Variants in SSBP2 observed in about 807,000 individuals in gnomAD.
The protein encoded by SSBP2 is single stranded DNA binding protein 2, also known as single-stranded DNA-binding protein 2.
A neutral mutation model predicts 61.8 loss-of-function variants in SSBP2; 17 were observed. The observed-to-expected ratio is 0.28, with a 90% CI of 0.19 to 0.41. SSBP2 has a LOEUF of 0.41. Among genes scored for constraint, SSBP2 ranks in the 10% least tolerant of loss-of-function variants. The probability of loss-of-function intolerance (pLI) is 1.00; values close to 1 mark genes in which losing one functional copy is unlikely to be tolerated. For missense variants in SSBP2, 310 were observed against 458.7 expected (o/e 0.68, Z 2.96); for synonymous variants, 139 against 141.3 (o/e 0.98, Z 0.12).
intron 16 of SSBP2, among the ~76,000 whole-genome samples, chr5:81,422,405 C>T (rs1168107851): frequency 2.6e-5 from 4 of 152,208 alleles, no homozygotes; most frequent in Non-Finnish European, 2.9e-5. Context: ...GTCATTAGGG[C>T]TCAAACCAAA....
chr5:81,670,041 G>A (rs1050777102), intron 1 of SSBP2, among the ~76,000 whole-genome samples: 4 of 152,098 alleles, frequency 2.6e-5, no homozygotes, highest in African/African-American at 9.7e-5. Flanking sequence ...CAGAATGCAG[G>A]ATTTTTAGGG....
At chr5:81,516,941 T>C (rs987385389) in intron 4 of SSBP2, among the ~76,000 whole-genome samples, 1 of 152,064 alleles carries the variant, frequency 6.6e-6, no homozygotes, top group Non-Finnish European at 1.5e-5. Flanking sequence ...AAGTTGTTGT[T>C]GGGCCTGAAC....
At chr5:81,664,812 C>T (rs910749210) in intron 1 of SSBP2, among the ~76,000 whole-genome samples, 1 of 152,166 alleles carries the variant, frequency 6.6e-6, no homozygotes, top group Admixed American at 6.5e-5. Context: ...TCCTCAAAAG[C>T]ATCTTTCCTC....
intron 2 of SSBP2, among the ~76,000 whole-genome samples, chr5:81,639,769 C>CA (rs927171567): frequency 4.0e-5 from 6 of 151,898 alleles, no homozygotes; most frequent in African/African-American, 1.5e-4. Context: ...TTACAGATTT[C>CA]AAAAAAATTC....
intron 1 of SSBP2, among the ~76,000 whole-genome samples, chr5:81,674,437 A>G (rs1751809182): frequency 1.3e-5 from 2 of 152,160 alleles, no homozygotes; most frequent in African/African-American, 4.8e-5. Context: ...ATTTATATCT[A>G]TGGGAAATAT....
chr5:81,605,247 TTACTC>T (rs1417327910), intron 4 of SSBP2, among the ~76,000 whole-genome samples: 1 of 152,124 alleles, frequency 6.6e-6, no homozygotes, highest in Non-Finnish European at 1.5e-5. Flanking sequence ...TTCTTATACT[TTACTC>T]AAGAAAAAAT....
At chr5:81,652,704 A>G (rs1749837852) in intron 1 of SSBP2, among the ~76,000 whole-genome samples, 1 of 152,164 alleles carries the variant, frequency 6.6e-6, no homozygotes, top group Non-Finnish European at 1.5e-5. Context: ...GTGAACAACT[A>G]ATTAAGTCTA....
intron 1 of SSBP2, among the ~76,000 whole-genome samples, chr5:81,671,195 G>A (rs1011545887): frequency 6.6e-6 from 1 of 152,116 alleles, no homozygotes; most frequent in Admixed American, 6.6e-5. Context: ...GATTTTAGAG[G>A]ATAGAAATGT....
intron 16 of SSBP2, among the ~76,000 whole-genome samples, chr5:81,426,756 C>A (rs1002126608): frequency 6.6e-6 from 1 of 152,178 alleles, no homozygotes; most frequent in Non-Finnish European, 1.5e-5. Flanking sequence ...TACCCCTCTT[C>A]CAACTGTTAA....
intron 3 of SSBP2, 38 bp downstream of exon 3, chr5:81,636,519 A>T: frequency 6.6e-7 from 1 of 1,508,792 alleles, no homozygotes; most frequent in Non-Finnish European, 9.1e-7. Context: ...ATTGAAATGC[A>T]TCATCAAGCC....
chr5:81,677,568 T>G (rs910424498), intron 1 of SSBP2, among the ~76,000 whole-genome samples: 1 of 152,158 alleles, frequency 6.6e-6, no homozygotes. Context: ...TCCACACTTT[T>G]GCAAGTTTTA....
intron 3 of SSBP2, among the ~76,000 whole-genome samples, chr5:81,630,981 T>C (rs1034429451): frequency 1.3e-5 from 2 of 152,292 alleles, no homozygotes; most frequent in South Asian, 2.1e-4. Flanking sequence ...ATGCCATTTG[T>C]AGACTTCACT....
intron 1 of SSBP2, among the ~76,000 whole-genome samples, chr5:81,675,862 C>T (rs992813432): frequency 2.0e-4 from 30 of 152,154 alleles, no homozygotes; most frequent in African/African-American, 6.0e-4. Context: ...TTCCTACATG[C>T]TTTTCTCCTC....
intron 1 of SSBP2, among the ~76,000 whole-genome samples, chr5:81,687,552 C>A (rs1176082569): frequency 6.6e-6 from 1 of 152,200 alleles, no homozygotes; most frequent in Non-Finnish European, 1.5e-5. Flanking sequence ...CTCCCTCAAT[C>A]AACCCCAGGC....
intron 4 of SSBP2, among the ~76,000 whole-genome samples, chr5:81,546,970 A>G (rs1218912635): frequency 1.4e-5 from 2 of 147,122 alleles, no homozygotes; most frequent in Non-Finnish European, 3.0e-5. Flanking sequence ...ATGATTGTTA[A>G]AAGTTTTCAC....
chr5:81,694,564 A>G (rs1444752129), intron 1 of SSBP2, among the ~76,000 whole-genome samples: 1 of 152,090 alleles, frequency 6.6e-6, no homozygotes. Flanking sequence ...TCCACAGTAA[A>G]AGTACTTTTT....
At chr5:81,651,849 G>A (rs542855613) in intron 1 of SSBP2, among the ~76,000 whole-genome samples, 4 of 152,206 alleles carry the variant, frequency 2.6e-5, no homozygotes, top group East Asian at 1.9e-4. Flanking sequence ...CAACTCTACC[G>A]CATGATTCAG....
chr5:81,511,583 C>CTA (rs887548058), intron 5 of SSBP2, among the ~76,000 whole-genome samples: 1 of 152,168 alleles, frequency 6.6e-6, no homozygotes, highest in Non-Finnish European at 1.5e-5. Flanking sequence ...TTTGTTTATA[C>CTA]TATTCTGACT....
intron 1 of SSBP2, among the ~76,000 whole-genome samples, chr5:81,728,294 G>T (rs1307627736): frequency 6.6e-6 from 1 of 152,018 alleles, no homozygotes; most frequent in Non-Finnish European, 1.5e-5. Context: ...AAACAAAAAC[G>T]GCGACAATAC....
Sources: gnomAD v4.1 joint callset for allele counts (sites outside exome capture counted in the v4.1 genomes callset) on GRCh38, gnomAD v4.1.1 for gene constraint, MANE v1.5 for transcripts, NCBI Gene and HGNC (gene_info 2026-07-23, HGNC 2026-07-21) for gene names.